GGTA1: variants seen among roughly 807,000 people sequenced by gnomAD.
GGTA1 encodes inactive N-acetyllactosaminide alpha-1,3-galactosyltransferase.
A neutral mutation model predicts 2.6 loss-of-function variants in GGTA1; 5 were observed. The observed-to-expected ratio is 1.92, with a 90% confidence interval of 1.00 to 4.04. GGTA1 has a LOEUF of 4.04. Among genes scored for constraint, GGTA1 ranks in the 30% most tolerant of loss-of-function variants. GGTA1 has a pLI of 0.00. For synonymous variants in GGTA1, 17 were observed against 5.0 expected (o/e 3.38, Z -3.19); for missense variants, 50 against 16.7 (o/e 2.99, Z -3.47).
At chr9:121,466,881 A>G (rs2065008271) in intron 2 of GGTA1, among the ~76,000 whole-genome samples, 1 of 151,504 alleles carries the variant, frequency 6.6e-6, no homozygotes, top group Admixed American at 6.6e-5. Context: ...TGAACCTGGA[A>G]GGCAGATGTT....
At chr9:121,449,617 G>A (rs2064868344) in intron 7 of GGTA1, among the ~76,000 whole-genome samples, 1 of 152,108 alleles carries the variant, frequency 6.6e-6, no homozygotes, top group African/African-American at 2.4e-5. Context: ...CGAGGCGGGT[G>A]GATCACAAGG....
At chr9:121,487,113 G>A (rs1478994405) in intron 1 of GGTA1, among the ~76,000 whole-genome samples, 4 of 152,224 alleles carry the variant, frequency 2.6e-5, no homozygotes, top group South Asian at 2.1e-4. Context: ...GGCACACAGA[G>A]AAGGCCACCA....
At chr9:121,459,937 A>G (rs1212293904) in intron 5 of GGTA1, among the ~76,000 whole-genome samples, 167 bp downstream of exon 5, 1 of 152,230 alleles carries the variant, frequency 6.6e-6, no homozygotes, top group Non-Finnish European at 1.5e-5. Flanking sequence ...TTTACATCAC[A>G]ATCAAATAGA....
At chr9:121,488,617 T>C (rs1034378444) in intron 1 of GGTA1, among the ~76,000 whole-genome samples, 4 of 152,180 alleles carry the variant, frequency 2.6e-5, no homozygotes, top group Admixed American at 2.0e-4. Context: ...CTTGGGAGGC[T>C]GAGGCAGGAG....
At chr9:121,489,911 T>C in intron 1 of GGTA1, among the ~76,000 whole-genome samples, 1 of 152,226 alleles carries the variant, frequency 6.6e-6, no homozygotes, top group East Asian at 1.9e-4. Context: ...TCTAAGAAGC[T>C]CTGTCTGCTC....
intron 1 of GGTA1, among the ~76,000 whole-genome samples, chr9:121,473,751 C>T (rs563702708): frequency 1.3e-5 from 2 of 152,188 alleles, no homozygotes; most frequent in East Asian, 3.9e-4. Context: ...CATGGGGAAA[C>T]CCCCTCTCTA....
Position 121,476,312 on chromosome 9 carries a change from C to T in GGTA1, c.-9-8381G>A, listed in dbSNP as rs919947364. On this transcript the variant is annotated intron_variant, in intron 1 of 5. Coordinates refer to ENST00000481799, the MANE Select transcript of GGTA1 (RefSeq NM_001382585.1). The surrounding 1 kb of genome is among the most constrained non-coding windows in gnomAD (Gnocchi z 4.6). ...GCACCTCCATTTGCACCCCACCCCA[C>T]CTCCTTGCTCCACCCCTGCCTCACC... is the stretch of plus-strand genomic sequence containing the variant. 6.6e-6 allele frequency among the ~76,000 whole-genome samples: 1 copy of T among 152,128 alleles called. No individual in the cohort carries two copies. The highest frequency in any genetic ancestry group is 6.5e-5 in the Admixed American group (1 of 15,270).
At chr9:121,467,536 C>A (rs10448255) in intron 2 of GGTA1, among the ~76,000 whole-genome samples, 47,508 of 152,094 alleles carry the variant, frequency 0.31, 7,681 homozygotes, top group Middle Eastern at 0.4. Flanking sequence ...ATTTGATTAT[C>A]CAAGTTATTT....
rs543734193 is a variant in GGTA1, at chr9:121,486,601, G to A, written c.-10+13049C>T. Reference sequence around the variant, plus strand: ...TGAGGTTGTTTTGTGCGGGTGGCACGCTGCTGTGATGAAGGGCACCATCTC... The same window carrying A: ...TGAGGTTGTTTTGTGCGGGTGGCACACTGCTGTGATGAAGGGCACCATCTC... On this transcript the variant is annotated intron_variant, in intron 1 of 5. Coordinates refer to ENST00000481799, the MANE Select transcript of GGTA1 (RefSeq NM_001382585.1). Among the ~76,000 whole-genome samples the A allele has an allele frequency of 1.4e-4, 22 of 152,338 alleles. 1 individual carries two copies. Among genetic ancestry groups the A allele is most frequent in the Admixed American group, 5.9e-4 (9 of 15,310 alleles).
chr9:121,464,988 C>CAAAAAAAAA lies in GGTA1; in HGVS notation c.81-1661_81-1660insTTTTTTTTT, dbSNP rs1325681219. Reference sequence around the variant, plus strand: ...ATCATGTGGCCAATTCGTAAAGTGGCAAAAAAACAAAACAAACAAAAAAAA... The same window carrying CAAAAAAAAA: ...ATCATGTGGCCAATTCGTAAAGTGGCAAAAAAAAAAAAAAAACAAAACAAACAAAAAAAA... On this transcript the variant is annotated intron_variant, in intron 2 of 5. Coordinates refer to ENST00000481799, the MANE Select transcript of GGTA1 (RefSeq NM_001382585.1). Among the ~76,000 whole-genome samples, 7 of 121,850 alleles carry CAAAAAAAAA rather than the reference C, an allele frequency of 5.7e-5. 1 individual carries two copies. The highest frequency in any genetic ancestry group is 8.9e-5 in the Non-Finnish European group (5 of 56,294). The allele number at this position is 121,850 out of a possible 152,430, so 79.9% of individuals were successfully genotyped here.
At chr9:121,470,220 A>G (rs1374190751) in intron 1 of GGTA1, among the ~76,000 whole-genome samples, 1 of 152,252 alleles carries the variant, frequency 6.6e-6, no homozygotes, top group Non-Finnish European at 1.5e-5. Flanking sequence ...GAGAGATGGA[A>G]AGTGGTAGAT....
At chr9:121,451,964 T>C (rs1309018363), downstream of GGTA1, 1 of 152,156 alleles carries the variant, frequency 6.6e-6, no homozygotes, top group Non-Finnish European at 1.5e-5. Flanking sequence ...CTACTATTAT[T>C]TTGTTCTCAG....
At chr9:121,445,187 A>G (rs1266740468) in exon 8 of GGTA1, 1 of 152,210 alleles carries the variant, frequency 6.6e-6, no homozygotes, top group Non-Finnish European at 1.5e-5. Context: ...TCTTTGGGTC[A>G]GGACTTAAAA....
At chr9:121,474,026 A>G (rs13284367) in intron 1 of GGTA1, among the ~76,000 whole-genome samples, 1 of 152,102 alleles carries the variant, frequency 6.6e-6, no homozygotes, top group Non-Finnish European at 1.5e-5. Context: ...AAGAAAGAAA[A>G]GAAAGGAAAG....
At chr9:121,456,403 G>A (rs550424970) in intron 5 of GGTA1, among the ~76,000 whole-genome samples, 15 of 152,194 alleles carry the variant, frequency 9.9e-5, no homozygotes, top group Non-Finnish European at 2.2e-4. Context: ...CCAAGGGGTG[G>A]GTAGAAGAAG....
intron 1 of GGTA1, among the ~76,000 whole-genome samples, chr9:121,468,531 A>G (rs1828307260): frequency 6.6e-6 from 1 of 152,236 alleles, no homozygotes; most frequent in African/African-American, 2.4e-5. Flanking sequence ...TTAGGTATAT[A>G]CCCAGTAATA....
intron 1 of GGTA1, among the ~76,000 whole-genome samples, chr9:121,489,841 A>C (rs115738569): frequency 5.8e-4 from 89 of 152,324 alleles, no homozygotes; most frequent in African/African-American, 2.0e-3. Context: ...CCCCAGTCAC[A>C]GGAGTGTGAA....
At chr9:121,464,861 A>G (rs1564652756) in intron 2 of GGTA1, among the ~76,000 whole-genome samples, 1 of 152,190 alleles carries the variant, frequency 6.6e-6, no homozygotes, top group East Asian at 1.9e-4. Context: ...CAATTCTTCT[A>G]TTTACTAATT....
At chr9:121,493,787 T>C (rs1828927373) in intron 1 of GGTA1, among the ~76,000 whole-genome samples, 1 of 145,900 alleles carries the variant, frequency 6.9e-6, no homozygotes, top group African/African-American at 2.5e-5. Context: ...GACAGAGCCT[T>C]GTTTTGTTGC....
Sources: gnomAD v4.1 joint callset for allele counts (sites outside exome capture counted in the v4.1 genomes callset) on GRCh38, gnomAD v4.1.1 for gene constraint, Gnocchi (gnomAD v3.1) non-coding constraint, MANE v1.5 for transcripts, NCBI Gene and HGNC (gene_info 2026-07-23, HGNC 2026-07-21) for gene names.